Variants in AFF3 observed in about 807,000 individuals in gnomAD.
The protein encoded by AFF3 is AF4/FMR2 family member 3.
A neutral mutation model predicts 129.7 loss-of-function variants in AFF3; 32 were observed. The observed-to-expected ratio is 0.25, with a 90% confidence interval of 0.19 to 0.33. The LOEUF (loss-of-function observed/expected upper bound fraction) is 0.33, where lower values mean the gene tolerates loss of function less well. Among genes scored for constraint, AFF3 ranks in the 10% least tolerant of loss-of-function variants. The pLI is 1.00. For synonymous variants in AFF3, 644 were observed against 635.4 expected, an observed-to-expected ratio of 1.01 and a Z score of -0.20; for missense variants, 1,373 against 1,592.0, an observed-to-expected ratio of 0.86 and a Z score of 2.34.
intron 11 of AFF3, among the ~76,000 whole-genome samples, chr2:99,686,328 T>C (rs887210210): frequency 2.6e-5 from 4 of 152,152 alleles, no homozygotes; most frequent in African/African-American, 9.7e-5. Context: ...CAAATAACAC[T>C]GTGAAGGAAG....
At chr2:99,882,860 A>G (rs1326404314) in intron 7 of AFF3, among the ~76,000 whole-genome samples, 3 of 152,208 alleles carry the variant, frequency 2.0e-5, no homozygotes, top group Non-Finnish European at 2.9e-5. Flanking sequence ...GGGCACATCA[A>G]TTGGTTTATG....
At chr2:99,611,302 A>G (rs565941533) in intron 13 of AFF3, among the ~76,000 whole-genome samples, 4 of 152,180 alleles carry the variant, frequency 2.6e-5, no homozygotes, top group Non-Finnish European at 5.9e-5. Flanking sequence ...TCTCAGTATT[A>G]GCATCTGTGG....
At chr2:100,066,930 T>C (rs747430921) in intron 4 of AFF3, among the ~76,000 whole-genome samples, 17 of 152,182 alleles carry the variant, frequency 1.1e-4, no homozygotes, top group Admixed American at 2.0e-4. Context: ...ACTAACATTT[T>C]AGAGACAACA....
At chr2:99,791,593 C>T (rs372517413) in intron 8 of AFF3, among the ~76,000 whole-genome samples, 12 of 152,260 alleles carry the variant, frequency 7.9e-5, no homozygotes, top group African/African-American at 2.9e-4. Flanking sequence ...TTCACGGATT[C>T]TTTATTTCTG....
intron 7 of AFF3, among the ~76,000 whole-genome samples, chr2:99,853,000 C>T (rs1177222513): frequency 6.6e-6 from 1 of 152,002 alleles, no homozygotes; most frequent in African/African-American, 2.4e-5. Flanking sequence ...GAGAAAAAAA[C>T]ATCACAGGTT....
At chr2:99,936,803 G>C (rs1196336705) in intron 7 of AFF3, among the ~76,000 whole-genome samples, 2 of 152,302 alleles carry the variant, frequency 1.3e-5, no homozygotes, top group East Asian at 3.9e-4. Flanking sequence ...TCTTCCTTCA[G>C]TAAGTATTGT....
chr2:99,921,688 A>C (rs1695867235), intron 7 of AFF3, among the ~76,000 whole-genome samples: 1 of 152,186 alleles, frequency 6.6e-6, no homozygotes, highest in South Asian at 2.1e-4. Flanking sequence ...TAACACAGAA[A>C]GGAATAAATG....
Position 100,007,002 on chromosome 2 carries a change from A to T in AFF3, c.503T>A (p.Leu168His). The change falls in exon 7 of 25, where the codon CTC becomes CAC. Residue 168 changes from leucine (L) to histidine (H), a missense_variant. This residue lies in a region of AFF3 where 255 missense variants were observed against 256.0 expected (regional missense o/e 1.00). Coordinates refer to ENST00000672756, the MANE Select transcript of AFF3 (RefSeq NM_001386135.1). ...AACACCATCTCCAAGCAAGGTCCTG[A>T]GAGAGCCCTGTTGTGCTGAGTTGGA... ...GQQRATQQGS[L>H]RTLLGDGVGR... 1 of 1,610,868 alleles carries T rather than the reference A, an allele frequency of 6.2e-7. No homozygotes were observed. The highest frequency in any genetic ancestry group is 8.5e-7 in the Non-Finnish European group (1 of 1,177,808).
At chr2:99,579,367 T>C (rs1677300702) in intron 17 of AFF3, among the ~76,000 whole-genome samples, 1 of 149,052 alleles carries the variant, frequency 6.7e-6, no homozygotes, top group Non-Finnish European at 1.5e-5. Context: ...ACCATGCCAT[T>C]GCACTCCAGC....
intron 4 of AFF3, among the ~76,000 whole-genome samples, chr2:100,093,191 T>C (rs1170973531): frequency 6.6e-6 from 1 of 151,008 alleles, no homozygotes; most frequent in African/African-American, 2.4e-5. Context: ...ATTGCAGCCT[T>C]GACCTTCCAG....
chr2:100,069,029 G>A (rs947646184), intron 4 of AFF3, among the ~76,000 whole-genome samples: 1 of 152,126 alleles, frequency 6.6e-6, no homozygotes, highest in Admixed American at 6.5e-5. Flanking sequence ...TCATGGGGGT[G>A]TGTTGAACAG....
chr2:99,614,173 A>C (rs1003830542), intron 13 of AFF3, among the ~76,000 whole-genome samples: 19 of 152,174 alleles, frequency 1.2e-4, no homozygotes, highest in African/African-American at 4.1e-4. Flanking sequence ...GCCATAAAGA[A>C]GACTTATGCA....
intron 15 of AFF3, among the ~76,000 whole-genome samples, chr2:99,591,429 C>T (rs1468068477): frequency 2.6e-5 from 4 of 152,126 alleles, no homozygotes; most frequent in Admixed American, 1.3e-4. Flanking sequence ...TCAGGCAATC[C>T]GCCCATCTCA....
At chr2:99,709,913 A>G (rs1283885471) in intron 11 of AFF3, among the ~76,000 whole-genome samples, 7 of 152,200 alleles carry the variant, frequency 4.6e-5, no homozygotes, top group Non-Finnish European at 1.0e-4. Context: ...AACCACTTTG[A>G]ACTTCATTTG....
chr2:99,947,649 T>TAGACAGACAGAC (rs1182923875), intron 7 of AFF3, among the ~76,000 whole-genome samples: 57 of 118,800 alleles, frequency 4.8e-4, no homozygotes, highest in Non-Finnish European at 7.6e-4. Flanking sequence ...GATAGATAGA[T>TAGACAGACAGAC]AGATAGACAG....
At chr2:99,987,771 T>C (rs1679996362) in intron 7 of AFF3, among the ~76,000 whole-genome samples, 1 of 152,212 alleles carries the variant, frequency 6.6e-6, no homozygotes, top group Non-Finnish European at 1.5e-5. Flanking sequence ...ATGTATTCTA[T>C]GCTGTTTAAG....
intron 7 of AFF3, among the ~76,000 whole-genome samples, chr2:99,838,412 T>A (rs1380286141): frequency 1.3e-5 from 2 of 152,210 alleles, no homozygotes; most frequent in African/African-American, 2.4e-5. Flanking sequence ...TCTCCCTTCC[T>A]CCTCACTGTT....
At chr2:100,136,568 TG>T (rs1183880051) in intron 1 of AFF3, among the ~76,000 whole-genome samples, 1 of 152,122 alleles carries the variant, frequency 6.6e-6, no homozygotes, top group Non-Finnish European at 1.5e-5. Flanking sequence ...CATGTGGGAG[TG>T]TGTGTGCACT....
At chr2:99,618,880 G>C (rs1681713423) in intron 13 of AFF3, among the ~76,000 whole-genome samples, 2 of 141,262 alleles carry the variant, frequency 1.4e-5, no homozygotes, top group African/African-American at 5.4e-5. Flanking sequence ...CAAAGCTACA[G>C]ATAGCTCTGA....
Sources: gnomAD v4.1 joint callset for allele counts (sites outside exome capture counted in the v4.1 genomes callset) on GRCh38, gnomAD v4.1.1 for gene constraint, gnomAD v4.1.1 regional missense constraint, MANE v1.5 for transcripts, NCBI Gene and HGNC (gene_info 2026-07-23, HGNC 2026-07-21) for gene names.